The following TPD52 variants were observed in gnomAD, a reference collection of about 807,000 sequenced individuals.
TPD52 encodes the protein tumor protein D52.
In TPD52, 17 loss-of-function variants were observed where a neutral mutation model predicts 31.3. The observed-to-expected ratio is 0.54, with a 90% CI of 0.37 to 0.82. TPD52 has a LOEUF of 0.82. Ranked by LOEUF, TPD52 falls within the 40% of genes least tolerant of loss-of-function variation. TPD52 has a pLI of 0.00. For synonymous variants in TPD52, 83 were observed against 89.6 expected (o/e 0.93, Z 0.42); for missense variants, 212 against 240.1 (o/e 0.88, Z 0.77).
chr8:80,081,020 A>G (rs1381091457), intron 1 of TPD52, among the ~76,000 whole-genome samples: 1 of 152,210 alleles, frequency 6.6e-6, no homozygotes, highest in Non-Finnish European at 1.5e-5. Flanking sequence ...CTGAAAGCCA[A>G]GCTTCCTGGT....
intron 1 of TPD52, among the ~76,000 whole-genome samples, chr8:80,148,317 A>AGTATGTGTGTGT (rs1554594167): frequency 1.4e-5 from 2 of 143,888 alleles, no homozygotes; most frequent in Admixed American, 1.4e-4. Flanking sequence ...TTCCTGGCTA[A>AGTATGTGTGTGT]GTGTGTGTGT....
At chr8:80,090,123 G>A (rs1203302895) in intron 1 of TPD52, among the ~76,000 whole-genome samples, 1 of 152,172 alleles carries the variant, frequency 6.6e-6, no homozygotes, top group Admixed American at 6.5e-5. Context: ...CAGGCATGGT[G>A]GTTCACACCT....
intron 1 of TPD52, among the ~76,000 whole-genome samples, chr8:80,155,855 CCTGGACAA>C (rs1264619528): frequency 6.7e-6 from 1 of 150,368 alleles, no homozygotes; most frequent in African/African-American, 2.5e-5. Context: ...TGCACTCTAG[CCTGGACAA>C]CAAGAGGAAA....
At chr8:80,131,594 C>A (rs1182785761) in intron 1 of TPD52, among the ~76,000 whole-genome samples, 1 of 152,166 alleles carries the variant, frequency 6.6e-6, no homozygotes, top group African/African-American at 2.4e-5. Context: ...GAGTCCTGGG[C>A]CACTACTAAC....
intron 1 of TPD52, among the ~76,000 whole-genome samples, chr8:80,147,613 T>G (rs1810285420): frequency 6.6e-6 from 1 of 152,216 alleles, no homozygotes; most frequent in Non-Finnish European, 1.5e-5. Context: ...TAGCACTACA[T>G]GTGGCAGCGG....
rs3053770 is a variant in TPD52 at position 80,161,734 on chromosome 8, T to G, written c.19+9691A>C. On this transcript the variant is annotated intron_variant, in intron 1 of 7. Coordinates refer to ENST00000518937, the MANE Select transcript of TPD52 (RefSeq NM_001025253.3). ...CATTTATATATATATATATATATAT[T>G]TTTTTTTTTTTCTGAGACAGAGTCT... is the stretch of plus-strand genomic sequence containing the variant. 4.3e-4 allele frequency among the ~76,000 whole-genome samples: 20 copies of G among 46,144 alleles called. No homozygotes were observed. In the South Asian group the frequency reaches 8.1e-3, roughly 19 times the overall value. 30.3% of individuals were successfully genotyped at this position (46,144 alleles called of 152,430 possible).
At chr8:80,078,421 T>C (rs933002390) in intron 1 of TPD52, among the ~76,000 whole-genome samples, 7 of 152,252 alleles carry the variant, frequency 4.6e-5, no homozygotes, top group African/African-American at 1.7e-4. Context: ...GTATTGGTCC[T>C]AAAAGCTTCT....
At chr8:80,166,055 C>T (rs1338746143) in intron 1 of TPD52, among the ~76,000 whole-genome samples, 1 of 152,196 alleles carries the variant, frequency 6.6e-6, no homozygotes, top group Admixed American at 6.5e-5. Context: ...CAGTGGCTCA[C>T]ACCTGTAATC....
At chr8:80,101,083 G>T (rs145529947) in intron 1 of TPD52, among the ~76,000 whole-genome samples, 1 of 152,160 alleles carries the variant, frequency 6.6e-6, no homozygotes, top group Non-Finnish European at 1.5e-5. Context: ...CAGGGACCCA[G>T]ACAACAACAT....
At chr8:80,080,419 T>A (rs753684914) in intron 1 of TPD52, 5 of 1,614,196 alleles carry the variant, frequency 3.1e-6, no homozygotes, top group African/African-American at 1.3e-5. Flanking sequence ...CGGGGACTGG[T>A]AGTCCTCATA....
rs557778774 is a variant in TPD52 at position 80,079,116 on chromosome 8, G to C, written c.20-14523C>G. On this transcript the variant is annotated intron_variant, in intron 1 of 7. Transcript: ENST00000518937. ...TCAAGCTCTAGCTTCCCCATTCTGT[G>C]TGGCCCCTATTAAATTATACATAAA... is the stretch of plus-strand genomic sequence containing the variant. 2.6e-5 allele frequency among the ~76,000 whole-genome samples: 4 copies of C among 152,278 alleles called. No individual in the cohort carries two copies. The South Asian group carries it at 8.3e-4, about 32-fold the overall frequency.
At chr8:80,083,523 C>CTTTATAAGGAGAACAGATGGT (rs1815492733) in intron 1 of TPD52, among the ~76,000 whole-genome samples, 1 of 152,106 alleles carries the variant, frequency 6.6e-6, no homozygotes, top group Non-Finnish European at 1.5e-5. Flanking sequence ...ATTAAGAGAT[C>CTTTATAAGGAGAACAGATGGT]TTTATAAGGA....
At chr8:80,071,018 G>A (rs1586220418) in intron 1 of TPD52, among the ~76,000 whole-genome samples, 1 of 152,178 alleles carries the variant, frequency 6.6e-6, no homozygotes, top group Non-Finnish European at 1.5e-5. Flanking sequence ...AGAGCGCAAA[G>A]CACAGAGAAC....
At chr8:80,105,169 A>G (rs866743313) in intron 1 of TPD52, among the ~76,000 whole-genome samples, 29 of 152,208 alleles carry the variant, frequency 1.9e-4, no homozygotes, top group African/African-American at 6.7e-4. Context: ...AGAGGCATGA[A>G]CACAGCTCAC....
intron 1 of TPD52, among the ~76,000 whole-genome samples, chr8:80,108,373 CTTGA>C (rs1368325586): frequency 6.6e-5 from 10 of 152,116 alleles, no homozygotes; most frequent in Admixed American, 5.9e-4. Context: ...CAGTCATAAT[CTTGA>C]TTATTATGTT....
chr8:80,038,178 C>T lies in TPD52; in HGVS notation c.562G>A (p.Ala188Thr). Residue 188 changes from alanine (A) to threonine (T), a missense_variant, in exon 8 of 8, where the codon GCT becomes ACT. Coordinates refer to ENST00000518937, the MANE Select transcript of TPD52 (RefSeq NM_001025253.3). ...GGDFGEVLNSAANASATTTEP... is the reference protein window; with the variant it reads ...GGDFGEVLNSTANASATTTEP... Reference sequence around the variant, plus strand: ...GTGGTGGTGGCACTAGCATTTGCAGCCGAATTCAAGACTTCTCCAAAATCA... The same window carrying T: ...GTGGTGGTGGCACTAGCATTTGCAGTCGAATTCAAGACTTCTCCAAAATCA... 1 of 1,613,994 alleles carries T rather than the reference C, an allele frequency of 6.2e-7. No homozygotes were observed. Among genetic ancestry groups the T allele is most frequent in the Non-Finnish European group, 8.5e-7 (1 of 1,179,962 alleles).
At chr8:80,138,283 G>A (rs555192388) in intron 1 of TPD52, among the ~76,000 whole-genome samples, 16 of 152,266 alleles carry the variant, frequency 1.1e-4, no homozygotes, top group South Asian at 6.2e-4. Context: ...AGAAGTCTGC[G>A]TTAAAAGGTA....
intron 1 of TPD52, among the ~76,000 whole-genome samples, chr8:80,136,179 T>TAAAAAAAAAACAA (rs796723826): frequency 8.2e-6 from 1 of 121,546 alleles, no homozygotes. Flanking sequence ...GTCTTTGAGG[T>TAAAAAAAAAACAA]TAAAAAAAAA....
intron 1 of TPD52, among the ~76,000 whole-genome samples, chr8:80,089,443 C>T (rs1309177826): frequency 1.3e-5 from 2 of 152,104 alleles, no homozygotes; most frequent in Admixed American, 6.5e-5. Flanking sequence ...ATAGAGCTCA[C>T]AAGACTTCTG....
Sources: gnomAD v4.1 joint callset for allele counts (sites outside exome capture counted in the v4.1 genomes callset) on GRCh38, gnomAD v4.1.1 for gene constraint, MANE v1.5 for transcripts, NCBI Gene and HGNC (gene_info 2026-07-23, HGNC 2026-07-21) for gene names.